Variants in VRK2 observed in about 807,000 individuals in gnomAD.
VRK2 encodes VRK serine/threonine kinase 2.
In VRK2, 60 loss-of-function variants were observed where a neutral mutation model predicts 57.6. The ratio of observed to expected loss-of-function variants is 1.04; its 90% confidence interval spans 0.85 to 1.29. The LOEUF is 1.29. VRK2 is among the 50% of genes most tolerant of loss of function. The pLI is 0.00. For missense variants in VRK2, 705 were observed against 588.1 expected (o/e 1.20, Z -2.06); for synonymous variants, 231 against 199.2 (o/e 1.16, Z -1.35).
At chr2:58,044,645 A>G (rs1674602784), upstream of VRK2, among the ~76,000 whole-genome samples, 1 of 152,192 alleles carries the variant, frequency 6.6e-6, no homozygotes. Flanking sequence ...GATGTTTAGG[A>G]AAGGTCTCAC....
intron 4 of VRK2, among the ~76,000 whole-genome samples, chr2:58,085,590 A>G (rs1287313101): frequency 6.6e-6 from 1 of 151,976 alleles, no homozygotes; most frequent in African/African-American, 2.4e-5. Context: ...TAATGACTGT[A>G]TAGTCAAGGT....
chr2:58,128,557 CTT>C (rs1397701115), intron 8 of VRK2, among the ~76,000 whole-genome samples: 1 of 152,118 alleles, frequency 6.6e-6, no homozygotes, highest in Non-Finnish European at 1.5e-5. Context: ...GTCTTAAACT[CTT>C]GACCTCAGGT....
chr2:58,131,168 C>T (rs1269319304), intron 8 of VRK2, among the ~76,000 whole-genome samples: 4 of 151,848 alleles, frequency 2.6e-5, no homozygotes. Context: ...GAATTTTAGC[C>T]TGCTGCTGCT....
At chr2:58,102,492 TA>T (rs570889511) in intron 7 of VRK2, among the ~76,000 whole-genome samples, 1,344 of 105,210 alleles carry the variant, frequency 0.013, 17 homozygotes, top group African/African-American at 0.029. Flanking sequence ...CAAAAACAGT[TA>T]AAAAAAAAAA....
chr2:58,131,822 A>G lies in VRK2; in HGVS notation c.691A>G (p.Ser231Gly). 6.2e-7 allele frequency: 1 copy of G among 1,612,780 alleles called. No individual in the cohort carries two copies. Among genetic ancestry groups the G allele is most frequent in the Non-Finnish European group, 8.5e-7 (1 of 1,179,482 alleles). The change falls in exon 9 of 13, where the codon AGT becomes GGT. Residue 231 changes from serine to glycine, a missense_variant. Transcript: ENST00000340157. Reference sequence around the variant, plus strand: ...TACTCCTATAGCCTTGTCCAGACGAAGTGACGTTGAGATCCTCGGCTACTG... The same window carrying G: ...TACTCCTATAGCCTTGTCCAGACGAGGTGACGTTGAGATCCTCGGCTACTG... ...AHKGVALSRR[S>G]DVEILGYCML...
chr2:58,047,606 T>A, intron 1 of VRK2: 2 of 305,120 alleles, frequency 6.6e-6, no homozygotes, highest in Non-Finnish European at 4.8e-6. Flanking sequence ...CTTTAAGTTT[T>A]AAATCAGTAA....
intron 2 of VRK2, among the ~76,000 whole-genome samples, chr2:58,057,016 T>C (rs1490409226): frequency 6.6e-6 from 1 of 152,286 alleles, no homozygotes; most frequent in East Asian, 1.9e-4. Flanking sequence ...TTTCACACAA[T>C]GCTCACCTCA....
At chr2:58,057,844 A>T (rs1340213658) in intron 2 of VRK2, among the ~76,000 whole-genome samples, 1 of 149,100 alleles carries the variant, frequency 6.7e-6, no homozygotes, top group African/African-American at 2.5e-5. Context: ...TTTAATGTAC[A>T]TTTTTTTTTT....
At chr2:57,917,632 T>C (rs1034847555) in intron 1 of VRK2, among the ~76,000 whole-genome samples, 2 of 151,244 alleles carry the variant, frequency 1.3e-5, no homozygotes, top group Non-Finnish European at 2.9e-5. Context: ...GGGGTAATGG[T>C]ATCTAGATAT....
chr2:58,070,726 G>A (rs746179295), intron 2 of VRK2, among the ~76,000 whole-genome samples: 19 of 152,048 alleles, frequency 1.2e-4, no homozygotes, highest in Admixed American at 3.9e-4. Flanking sequence ...TATGTCTGGG[G>A]GTGGATTCCA....
intron 4 of VRK2, among the ~76,000 whole-genome samples, chr2:58,085,968 TTGAAG>T (rs1309002127): frequency 2.0e-5 from 3 of 149,702 alleles, no homozygotes; most frequent in Non-Finnish European, 4.5e-5. Flanking sequence ...GTTTTAAATC[TTGAAG>T]TAATAGGGAA....
chr2:58,119,343 C>CA (rs75250405), intron 7 of VRK2, among the ~76,000 whole-genome samples: 3,058 of 109,192 alleles, frequency 0.028, 84 homozygotes, highest in African/African-American at 0.073. Context: ...ACTAAAAATA[C>CA]AAAAAAAAAA....
chr2:58,032,105 A>C (rs1364068761), intron 2 of VRK2, among the ~76,000 whole-genome samples: 1 of 152,158 alleles, frequency 6.6e-6, no homozygotes, highest in East Asian at 1.9e-4. Context: ...TTTTTCTTTC[A>C]AGGGGTTCAG....
At chr2:57,909,481 T>A (rs1463575788) in intron 1 of VRK2, among the ~76,000 whole-genome samples, 1 of 152,040 alleles carries the variant, frequency 6.6e-6, no homozygotes, top group Non-Finnish European at 1.5e-5. Context: ...TGTGTGTTTT[T>A]TTTTTAGTTC....
chr2:58,124,204 T>G (rs370682710), intron 8 of VRK2, among the ~76,000 whole-genome samples: 9 of 152,190 alleles, frequency 5.9e-5, no homozygotes, highest in Admixed American at 5.2e-4. Context: ...CTTAGCTGTT[T>G]ATTACACTGC....
At chr2:58,083,019 TTAA>T (rs1188257275) in intron 2 of VRK2, among the ~76,000 whole-genome samples, 64 of 151,868 alleles carry the variant, frequency 4.2e-4, no homozygotes, top group Middle Eastern at 3.4e-3. Flanking sequence ...AAGGACAATG[TTAA>T]TAATAGGACA....
At chr2:57,909,839 T>A (rs1256257296) in intron 1 of VRK2, among the ~76,000 whole-genome samples, 1 of 152,306 alleles carries the variant, frequency 6.6e-6, no homozygotes, top group Middle Eastern at 3.4e-3. Flanking sequence ...CGTTAAATTA[T>A]TGACCTGCTG....
intron 7 of VRK2, among the ~76,000 whole-genome samples, chr2:58,092,586 G>A (rs1672531908): frequency 6.6e-6 from 1 of 152,172 alleles, no homozygotes; most frequent in African/African-American, 2.4e-5. Flanking sequence ...CATGGAAACT[G>A]CCAAGTTGTT....
intron 1 of VRK2, among the ~76,000 whole-genome samples, chr2:57,940,998 A>G (rs1282645645): frequency 6.6e-6 from 1 of 152,164 alleles, no homozygotes; most frequent in Non-Finnish European, 1.5e-5. Flanking sequence ...ATCTGGATCT[A>G]AATGCCTCCT....
Sources: allele counts gnomAD v4.1 joint callset (sites outside exome capture counted in the v4.1 genomes callset), GRCh38; gene constraint gnomAD v4.1.1; transcripts MANE v1.5; gene names NCBI Gene and HGNC (gene_info 2026-07-23, HGNC 2026-07-21).